Variants in MSI2 observed in about 807,000 individuals in gnomAD.
MSI2 encodes the protein RNA-binding protein Musashi homolog 2.
Under a neutral mutation model 45.6 loss-of-function variants are expected in MSI2, and 17 were observed. The ratio of observed to expected loss-of-function variants is 0.37; its 90% confidence interval spans 0.26 to 0.56. The LOEUF is 0.56. Ranked by LOEUF, MSI2 falls within the 20% of genes least tolerant of loss-of-function variation. MSI2 has a pLI of 0.77. For missense variants in MSI2, 293 were observed against 444.2 expected, an observed-to-expected ratio of 0.66 and a Z score of 3.06; for synonymous variants, 156 against 158.2, an observed-to-expected ratio of 0.99 and a Z score of 0.11.
At chr17:57,437,839 A>C (rs75768990) in intron 6 of MSI2, among the ~76,000 whole-genome samples, 1 of 152,096 alleles carries the variant, frequency 6.6e-6, no homozygotes, top group South Asian at 2.1e-4. Flanking sequence ...ACTTAACTTA[A>C]TCAATAAATA....
chr17:57,669,431 G>A (rs1912611538), intron 11 of MSI2, among the ~76,000 whole-genome samples: 1 of 152,200 alleles, frequency 6.6e-6, no homozygotes, highest in Non-Finnish European at 1.5e-5. Flanking sequence ...CTCTGACTAG[G>A]AACATAGAGT....
At chr17:57,679,169 T>C (rs1913446964) in intron 13 of MSI2, among the ~76,000 whole-genome samples, 2 of 152,228 alleles carry the variant, frequency 1.3e-5, no homozygotes, top group Non-Finnish European at 2.9e-5. Context: ...CATTTAGCTT[T>C]GAAAACAGAA....
chr17:57,314,327 G>C (rs1912660279), intron 5 of MSI2, among the ~76,000 whole-genome samples: 1 of 152,082 alleles, frequency 6.6e-6, no homozygotes, highest in Non-Finnish European at 1.5e-5. Context: ...GATTTTTTCA[G>C]GGGACACAGT....
At chr17:57,351,418 C>G (rs1450319338) in intron 5 of MSI2, among the ~76,000 whole-genome samples, 1 of 152,172 alleles carries the variant, frequency 6.6e-6, no homozygotes, top group Non-Finnish European at 1.5e-5. Context: ...AATACACCAT[C>G]TAAGCCAAAA....
chr17:57,286,105 C>A, intron 5 of MSI2: 2 of 881,322 alleles, frequency 2.3e-6, no homozygotes, highest in Non-Finnish European at 3.2e-6. Context: ...TTCTTTCTTT[C>A]TTTTGTCTAA....
intron 6 of MSI2, among the ~76,000 whole-genome samples, chr17:57,472,383 C>G (rs886636812): frequency 2.0e-5 from 3 of 152,070 alleles, no homozygotes; most frequent in Non-Finnish European, 4.4e-5. Context: ...GGGGAGGAGC[C>G]CTGCAGATCA....
intron 4 of MSI2, among the ~76,000 whole-genome samples, chr17:57,260,902 C>T (rs1907248432): frequency 6.6e-6 from 1 of 151,220 alleles, no homozygotes; most frequent in South Asian, 2.1e-4. Context: ...CTACTTTCCT[C>T]CACAGCATTA....
At chr17:57,515,022 A>T (rs2086440439) in intron 6 of MSI2, among the ~76,000 whole-genome samples, 1 of 152,208 alleles carries the variant, frequency 6.6e-6, no homozygotes, top group Non-Finnish European at 1.5e-5. Flanking sequence ...AGCTCCAGTG[A>T]TGATCAGGAT....
chr17:57,314,028 A>G (rs1392514861), intron 5 of MSI2, among the ~76,000 whole-genome samples: 1 of 152,024 alleles, frequency 6.6e-6, no homozygotes, highest in Non-Finnish European at 1.5e-5. Context: ...AGGCTGGGAA[A>G]TTCAAGATGG....
intron 6 of MSI2, among the ~76,000 whole-genome samples, chr17:57,518,662 C>T (rs1192094759): frequency 6.6e-6 from 1 of 152,166 alleles, no homozygotes; most frequent in Non-Finnish European, 1.5e-5. Context: ...CAGGCTTGGG[C>T]CTTTTTCATG....
At chr17:57,579,788 T>G (rs1231996508) in intron 7 of MSI2, among the ~76,000 whole-genome samples, 1 of 152,174 alleles carries the variant, frequency 6.6e-6, no homozygotes, top group Non-Finnish European at 1.5e-5. Flanking sequence ...CAGGCTTCGG[T>G]GTACTCTCTC....
intron 6 of MSI2, among the ~76,000 whole-genome samples, chr17:57,471,737 G>T (rs2085442451): frequency 6.6e-6 from 1 of 152,080 alleles, no homozygotes. Context: ...CCCAGCCTGG[G>T]GCCCTGCTGT....
intron 6 of MSI2, among the ~76,000 whole-genome samples, chr17:57,425,603 C>G (rs1309526714): frequency 6.6e-6 from 1 of 152,152 alleles, no homozygotes; most frequent in Non-Finnish European, 1.5e-5. Context: ...TCTGTGATAT[C>G]GATGCACTAT....
At chr17:57,430,639 C>T (rs772573687) in intron 6 of MSI2, among the ~76,000 whole-genome samples, 1 of 152,182 alleles carries the variant, frequency 6.6e-6, no homozygotes, top group Non-Finnish European at 1.5e-5. Flanking sequence ...TGAGAGACTC[C>T]GGGGCTGCAC....
chr17:57,349,352 A>G (rs1915845221), intron 5 of MSI2, among the ~76,000 whole-genome samples: 1 of 152,176 alleles, frequency 6.6e-6, no homozygotes, highest in Admixed American at 6.5e-5. Flanking sequence ...CTAGAGAGGC[A>G]TAGGGCAGCA....
chr17:57,673,990 C>T (rs1913020715), intron 11 of MSI2, among the ~76,000 whole-genome samples: 1 of 151,484 alleles, frequency 6.6e-6, no homozygotes, highest in Non-Finnish European at 1.5e-5. Context: ...TAAATCCCCC[C>T]TTTCCTTCTC....
Position 57,341,376 on chromosome 17 carries a change from G to A in MSI2, c.313-60003G>A, listed in dbSNP as rs148981570. On this transcript the variant is annotated intron_variant, in intron 5 of 13. Coordinates refer to ENST00000284073, the MANE Select transcript of MSI2 (RefSeq NM_138962.4). The stretch of plus-strand genomic sequence containing the variant: ...GTAATCACGTATTTAGAAGATGGAA[G>A]TGAGTTAAGTGTAACTAAAGTGGGG... Among the ~76,000 whole-genome samples the A allele has an allele frequency of 2.2e-3, 340 of 152,394 alleles. 4 individuals carry two copies. The highest frequency in any genetic ancestry group is 8.0e-3 in the African/African-American group (334 of 41,590).
At chr17:57,536,342 A>G (rs745506134) in intron 7 of MSI2, among the ~76,000 whole-genome samples, 27 of 152,232 alleles carry the variant, frequency 1.8e-4, no homozygotes, top group Middle Eastern at 3.2e-3. Flanking sequence ...CCCTCTGGCC[A>G]GAAAGGGCAC....
rs143884444 is a variant in MSI2 at position 57,526,149 on chromosome 17, C to T, written c.406-3527C>T. Among the ~76,000 whole-genome samples the T allele has an allele frequency of 9.0e-4, 137 of 152,130 alleles. No homozygotes were observed. In the East Asian group the frequency reaches 0.025, roughly 27 times the overall value. Reference sequence around the variant, plus strand: ...CTGAGGCAGGAGAATCACTTGAACCCAGGAGGCGGGGGTAGCAGTGAGCCA... The same window carrying T: ...CTGAGGCAGGAGAATCACTTGAACCTAGGAGGCGGGGGTAGCAGTGAGCCA... On this transcript the variant is annotated intron_variant, in intron 6 of 13. Coordinates refer to ENST00000284073, the MANE Select transcript of MSI2 (RefSeq NM_138962.4).
Sources: allele counts gnomAD v4.1 joint callset (sites outside exome capture counted in the v4.1 genomes callset), GRCh38; gene constraint gnomAD v4.1.1; transcripts MANE v1.5; gene names NCBI Gene and HGNC (gene_info 2026-07-23, HGNC 2026-07-21).